The following CES4A variants were observed in gnomAD, a reference collection of about 807,000 sequenced individuals.
CES4A encodes carboxylesterase 6.
In CES4A, 48 loss-of-function variants were observed where a neutral mutation model predicts 65.4. That is an observed-to-expected ratio of 0.73 (90% CI 0.58 to 0.93). The LOEUF is 0.93. Ranked by LOEUF, CES4A falls within the 40% of genes least tolerant of loss-of-function variation. The pLI, the probability that CES4A is intolerant of heterozygous loss-of-function variation, is 0.00. For synonymous variants in CES4A, 247 were observed against 281.8 expected (o/e 0.88, Z 1.24); for missense variants, 685 against 728.5 (o/e 0.94, Z 0.69).
At chr16:67,005,530 G>C in intron 11 of CES4A, 137 bp downstream of exon 11, 1 of 819,572 alleles carries the variant, frequency 1.2e-6, no homozygotes, top group Non-Finnish European at 1.9e-6. Flanking sequence ...ATATCACAGA[G>C]GAGGCAGCAT....
At chr16:67,002,864 C>G (rs1965464321) in intron 5 of CES4A, among the ~76,000 whole-genome samples, 1 of 152,100 alleles carries the variant, frequency 6.6e-6, no homozygotes, top group Non-Finnish European at 1.5e-5. Context: ...CCTCTGGAAC[C>G]CACTGGGGCC....
chr16:66,994,602 G>A (rs1205371359), intron 1 of CES4A, among the ~76,000 whole-genome samples: 3 of 151,668 alleles, frequency 2.0e-5, no homozygotes, highest in Admixed American at 2.0e-4. Context: ...AGCACTTTGG[G>A]AGGCCAAGGC....
intron 10 of CES4A, 118 bp from the exon 11 acceptor site, chr16:67,005,122 T>G: frequency 9.6e-7 from 1 of 1,044,220 alleles, no homozygotes; most frequent in South Asian, 1.3e-5. Flanking sequence ...AAGCTCCCTT[T>G]CTCCCCCTCC....
At chr16:67,005,282 C>A (rs1430924863) in exon 11 of CES4A, 5 of 1,614,094 alleles carry the variant, frequency 3.1e-6, no homozygotes, top group Non-Finnish European at 4.2e-6. Flanking sequence ...GGAGGAGTAC[C>A]TGGACAATGT....
Position 67,000,470 on chromosome 16 carries a change from GC to G in CES4A, c.261-164del. On this transcript the variant is annotated intron_variant, in intron 2 of 13. Coordinates refer to ENST00000648724, the Ensembl canonical transcript of CES4A. The surrounding 1 kb of genome is among the most constrained non-coding windows in gnomAD (Gnocchi z 4.2). ...AGGCCAACCTGCCTCCCAGTCCTGG[GC>G]CCCGGGGCTGGCGGAGGCCTCCTGT... 7.0e-7 allele frequency: 1 copy of G among 1,422,848 alleles called. No individual in the cohort carries two copies. Among genetic ancestry groups the G allele is most frequent in the Non-Finnish European group, 9.2e-7 (1 of 1,092,150 alleles). The allele number at this position is 1,422,848 out of a possible 1,614,324, so 88.1% of individuals were successfully genotyped here.
At chr16:66,996,148 C>A in intron 2 of CES4A, 1 of 460,700 alleles carries the variant, frequency 2.2e-6, no homozygotes, top group South Asian at 1.8e-5. Context: ...AGCGAGTCTC[C>A]TGCCTCAGCC....
rs574324970 is a variant in CES4A at position 67,006,294 on chromosome 16, T to C, written c.1316-97T>C. 6,537 of 1,366,504 alleles carry C rather than the reference T, an allele frequency of 4.8e-3. 21 individuals are homozygous for C. Among genetic ancestry groups the C allele is most frequent in the Non-Finnish European group, 6.0e-3 (6,025 of 1,011,236 alleles). The allele number at this position is 1,366,504 out of a possible 1,614,324, so 84.6% of individuals were successfully genotyped here. ...CCCTTGATTCTGAAGCCAAAGCTCTTTTTCCTGCTTGGTGCAGGTGAGTGG... is the reference window on the plus strand; with the variant it reads ...CCCTTGATTCTGAAGCCAAAGCTCTCTTTCCTGCTTGGTGCAGGTGAGTGG... On this transcript the variant is annotated intron_variant, in intron 11 of 13. Transcript: ENST00000648724.
chr16:67,003,654 C>A lies in CES4A; in HGVS notation c.939+101C>A. ...AATTGTTCAGGCCAAGATCCCTTCC[C>A]TAGTGGAGCTGATGTTCCAGTGGGG... On this transcript the variant is annotated intron_variant, in intron 8 of 13. Coordinates refer to ENST00000648724, the Ensembl canonical transcript of CES4A. The surrounding 1 kb of genome is among the most constrained non-coding windows in gnomAD (Gnocchi z 4.2). 2 of 922,494 alleles carry A rather than the reference C, an allele frequency of 2.2e-6. No homozygotes were observed. Among genetic ancestry groups the A allele is most frequent in the Non-Finnish European group, 1.8e-6 (1 of 553,532 alleles). 57.1% of individuals were successfully genotyped at this position (922,494 alleles called of 1,614,324 possible).
chr16:66,993,418 C>T (rs1254527346), intron 1 of CES4A, among the ~76,000 whole-genome samples: 4 of 152,194 alleles, frequency 2.6e-5, no homozygotes, highest in African/African-American at 9.6e-5. Flanking sequence ...TCTCGGCTCA[C>T]TGCAACCTCC....
intron 1 of CES4A, among the ~76,000 whole-genome samples, chr16:66,993,315 CTCTTCTGTTTCTGCA>C (rs1964543952): frequency 6.6e-6 from 1 of 152,108 alleles, no homozygotes; most frequent in African/African-American, 2.4e-5. Flanking sequence ...ATGCATTTTA[CTCTTCTGTTTCTGCA>C]TGTTTCTTGG....
At position 67,005,410 on chromosome 16, in the gene CES4A, A is replaced by G; in HGVS notation, c.1315+17A>G. 1.2e-6 allele frequency: 2 copies of G among 1,611,818 alleles called. No homozygotes were observed. The highest frequency in any genetic ancestry group is 8.5e-7 in the Non-Finnish European group (1 of 1,178,926). On this transcript the variant is annotated intron_variant, in intron 11 of 13. Coordinates refer to ENST00000648724, the Ensembl canonical transcript of CES4A. Reference sequence around the variant, plus strand: ...ACCACCGAGGTATGCAGGGTCCCCAAGAGTGGCCACACTGGCCCCGTCCAC... The same window carrying G: ...ACCACCGAGGTATGCAGGGTCCCCAGGAGTGGCCACACTGGCCCCGTCCAC...
intron 13 of CES4A, 72 bp from the exon 14 acceptor site, chr16:67,008,902 G>A (rs1965978996): frequency 2.1e-5 from 31 of 1,493,006 alleles, no homozygotes; most frequent in South Asian, 3.8e-5. Flanking sequence ...CAAATTAAAC[G>A]AGGGAAGGGT....
chr16:67,005,590 T>A, intron 11 of CES4A, 197 bp downstream of exon 11: 1 of 550,842 alleles, frequency 1.8e-6, no homozygotes, highest in Non-Finnish European at 3.1e-6. Context: ...CTCACACCTG[T>A]AATCCCAGCA....
At position 67,003,452 on chromosome 16, in the gene CES4A, C is replaced by T; in HGVS notation, c.901-63C>T. The stretch of plus-strand genomic sequence containing the variant: ...CCACCCCCAACTACTTCCCCAGGGA[C>T]CCTGTCTCAAGAGCACACGAGGGAG... On this transcript the variant is annotated intron_variant, in intron 7 of 13. Transcript: ENST00000648724. This position sits in a 1 kb window ranked among gnomAD's most constrained non-coding sequence, Gnocchi z 4.2. 6.3e-7 allele frequency: 1 copy of T among 1,591,662 alleles called. No individual in the cohort carries two copies. The highest frequency in any genetic ancestry group is 8.6e-7 in the Non-Finnish European group (1 of 1,159,720).
Position 67,003,134 on chromosome 16 carries a change from T to C in CES4A, c.755T>C (p.Phe252Ser). The change falls in exon 6 of 14, where the codon TTC (phenylalanine) becomes TCC (serine). Residue 252 changes from phenylalanine to serine, a missense_variant. Phe to Ser is a radical substitution (Grantham distance 155). Transcript: ENST00000648724. The surrounding 1 kb of genome is among the most constrained non-coding windows in gnomAD (Gnocchi z 4.2). ...ATTTCCCAGAGTGGCACCGCGTTAT[T>C]CAGACTTTTCATCACTAGTAACCCA... 1 of 1,614,154 alleles carries C rather than the reference T, an allele frequency of 6.2e-7. No homozygotes were observed. Among genetic ancestry groups the C allele is most frequent in the Non-Finnish European group, 8.5e-7 (1 of 1,180,018 alleles).
rs1218772288 is a variant in CES4A at position 67,004,896 on chromosome 16, G to A, written c.1161+23G>A. ...TTGGTGAGGGACCCAGCTGGCAGGG[G>A]TGCTCAGTTCGGACAGGGTTGACCC... is the stretch of plus-strand genomic sequence containing the variant. On this transcript the variant is annotated intron_variant, in intron 10 of 13. Transcript: ENST00000648724. The A allele has an allele frequency of 2.6e-6, 4 of 1,526,448 alleles. No individual in the cohort carries two copies. The East Asian group carries it at 9.8e-5, about 37-fold the overall frequency. The allele number at this position is 1,526,448 out of a possible 1,614,324, so 94.6% of individuals were successfully genotyped here. A position where few individuals can be genotyped will look rare whatever the true frequency, so the allele number is the denominator to read the frequency against.
chr16:66,993,135 C>T (rs1597050782), intron 1 of CES4A, among the ~76,000 whole-genome samples: 1 of 152,126 alleles, frequency 6.6e-6, no homozygotes, highest in Admixed American at 6.6e-5. Context: ...CACGGGAAGT[C>T]GGATTCAACT....
rs1965631740 is a variant in CES4A at position 67,004,880 on chromosome 16, G to A, written c.1161+7G>A. 1.3e-5 allele frequency: 20 copies of A among 1,534,994 alleles called. No individual in the cohort carries two copies. The East Asian group carries it at 4.6e-4, about 36-fold the overall frequency. On this transcript the variant is annotated splice_region_variant and intron_variant, in intron 10 of 13. Transcript: ENST00000648724. The stretch of plus-strand genomic sequence containing the variant: ...GAGTACCCGCACCCTGTTGGTGAGG[G>A]ACCCAGCTGGCAGGGGTGCTCAGTT...
chr16:67,003,872 A>G lies in CES4A; in HGVS notation c.940-212A>G, dbSNP rs1247277742. On this transcript the variant is annotated intron_variant, in intron 8 of 13. Transcript: ENST00000648724. The surrounding 1 kb of genome is among the most constrained non-coding windows in gnomAD (Gnocchi z 4.2). ...CAAGAGGTGAAGGAGTGAGCTATAC[A>G]GATACCCGCGGCCATCCCAAGTCCA... Among the ~76,000 whole-genome samples, 1 of 152,178 alleles carries G rather than the reference A, an allele frequency of 6.6e-6. No homozygotes were observed. The highest frequency in any genetic ancestry group is 1.5e-5 in the Non-Finnish European group (1 of 68,034).
Sources: allele counts gnomAD v4.1 joint callset (sites outside exome capture counted in the v4.1 genomes callset), GRCh38; gene constraint gnomAD v4.1.1; non-coding constraint Gnocchi (gnomAD v3.1); transcripts MANE v1.5; gene names NCBI Gene and HGNC (gene_info 2026-07-23, HGNC 2026-07-21).